FSTL4: variants seen among roughly 807,000 people sequenced by gnomAD.
FSTL4 encodes follistatin like 4.
In FSTL4, 28 loss-of-function variants were observed where a neutral mutation model predicts 78.2. That is an observed-to-expected ratio of 0.36 (90% CI 0.27 to 0.49). The LOEUF (loss-of-function observed/expected upper bound fraction) is 0.49. Among genes scored for constraint, FSTL4 ranks in the 20% least tolerant of loss-of-function variants. FSTL4 has a pLI of 0.98. For missense variants in FSTL4, 922 were observed against 1,084.9 expected, an observed-to-expected ratio of 0.85 and a Z score of 2.11; for synonymous variants, 422 against 440.5, an observed-to-expected ratio of 0.96 and a Z score of 0.53.
chr5:133,310,664 C>T (rs1753757834), intron 6 of FSTL4, among the ~76,000 whole-genome samples: 1 of 152,178 alleles, frequency 6.6e-6, no homozygotes, highest in Non-Finnish European at 1.5e-5. Flanking sequence ...AGTAATGATG[C>T]CTGGTATGCC....
intron 4 of FSTL4, among the ~76,000 whole-genome samples, chr5:133,327,299 C>T (rs1754236846): frequency 6.6e-6 from 1 of 152,216 alleles, no homozygotes; most frequent in Non-Finnish European, 1.5e-5. Context: ...AAATTTTCAG[C>T]TTCTAGAAGG....
At chr5:133,641,269 CA>C in the FSTL4 span, among the ~76,000 whole-genome samples, 201 of 150,962 alleles carry the variant, frequency 1.3e-3, 1 homozygote, top group Non-Finnish European at 2.5e-3. Context: ...CACACAAAAA[CA>C]AAAAAAAACA....
the FSTL4 span, among the ~76,000 whole-genome samples, chr5:133,727,718 A>G: frequency 1.3e-5 from 2 of 152,226 alleles, no homozygotes; most frequent in Non-Finnish European, 2.9e-5. Flanking sequence ...TCCACACTAG[A>G]GTAAAACAGA....
chr5:133,387,276 C>T (rs1463056797), intron 4 of FSTL4, among the ~76,000 whole-genome samples: 2 of 152,224 alleles, frequency 1.3e-5, no homozygotes, highest in East Asian at 3.8e-4. Flanking sequence ...CTGGTGCCGT[C>T]ATTTACAAGT....
the FSTL4 span, among the ~76,000 whole-genome samples, chr5:133,719,499 A>C: frequency 6.6e-6 from 1 of 151,916 alleles, no homozygotes; most frequent in Non-Finnish European, 1.5e-5. Context: ...GGGAAACCCC[A>C]TCTCTACTAA....
At chr5:133,644,236 C>T in the FSTL4 span, among the ~76,000 whole-genome samples, 1 of 152,084 alleles carries the variant, frequency 6.6e-6, no homozygotes, top group Non-Finnish European at 1.5e-5. Context: ...TGCAGCTGTG[C>T]TAAAAAAGAC....
At chr5:133,648,944 G>A in the FSTL4 span, among the ~76,000 whole-genome samples, 1 of 152,132 alleles carries the variant, frequency 6.6e-6, no homozygotes, top group Non-Finnish European at 1.5e-5. Context: ...TCAGACAAAT[G>A]TAAAATGACA....
intron 2 of FSTL4, among the ~76,000 whole-genome samples, chr5:133,568,557 G>C (rs993198387): frequency 1.3e-5 from 2 of 152,140 alleles, no homozygotes; most frequent in African/African-American, 4.8e-5. Flanking sequence ...GAGATCAGTG[G>C]AAGATCCATG....
intron 3 of FSTL4, among the ~76,000 whole-genome samples, chr5:133,418,702 A>G (rs1183888976): frequency 6.6e-6 from 1 of 152,250 alleles, no homozygotes; most frequent in African/African-American, 2.4e-5. Context: ...GAGGATGGAA[A>G]TAGCATTATA....
At chr5:133,797,121 G>A in the FSTL4 span, among the ~76,000 whole-genome samples, 12 of 152,204 alleles carry the variant, frequency 7.9e-5, no homozygotes, top group Non-Finnish European at 7.3e-5. Context: ...ATCCCCAGAG[G>A]TCCTGACAAA....
chr5:133,298,299 A>G (rs1390777197), intron 6 of FSTL4, among the ~76,000 whole-genome samples: 1 of 152,240 alleles, frequency 6.6e-6, no homozygotes, highest in Non-Finnish European at 1.5e-5. Flanking sequence ...ACACATGGTG[A>G]GCCCTGCAAT....
chr5:133,803,406 G>T, the FSTL4 span, among the ~76,000 whole-genome samples: 1 of 152,182 alleles, frequency 6.6e-6, no homozygotes, highest in Non-Finnish European at 1.5e-5. Flanking sequence ...GTTGGGCCCC[G>T]CCTCTATACT....
intron 3 of FSTL4, among the ~76,000 whole-genome samples, chr5:133,475,069 G>A (rs548622801): frequency 6.6e-6 from 1 of 152,350 alleles, no homozygotes; most frequent in Admixed American, 6.5e-5. Flanking sequence ...CTCGTGTGCA[G>A]CCCAGGCTGG....
chr5:133,363,246 C>T (rs1221258588), intron 4 of FSTL4, among the ~76,000 whole-genome samples: 2 of 152,136 alleles, frequency 1.3e-5, no homozygotes, highest in South Asian at 2.1e-4. Flanking sequence ...GGGGCAGCAG[C>T]GACAGGTACC....
At chr5:133,840,927 G>GTGCTGCAGGTTTGTGTT in the FSTL4 span, among the ~76,000 whole-genome samples, 2 of 152,264 alleles carry the variant, frequency 1.3e-5, no homozygotes, top group Non-Finnish European at 2.9e-5. Context: ...AGGTTTGTGT[G>GTGCTGCAGGTTTGTGTT]TGCTCCAGGT....
chr5:133,244,856 A>G (rs534231544), intron 7 of FSTL4: 2 of 152,564 alleles, frequency 1.3e-5, no homozygotes, highest in South Asian at 4.1e-4. Flanking sequence ...ACGGTGGCTC[A>G]CACCTGTAGT....
chr5:133,682,387 G>A, the FSTL4 span, among the ~76,000 whole-genome samples: 5 of 152,220 alleles, frequency 3.3e-5, no homozygotes, highest in African/African-American at 7.2e-5. Context: ...CTCCTCGAAC[G>A]CAGGGACTGC....
In FSTL4 at chr5:133,220,765, T is replaced by C; in HGVS notation, c.1441A>G (p.Lys481Glu). 6.3e-7 allele frequency: 1 copy of C among 1,595,356 alleles called. No homozygotes were observed. The highest frequency in any genetic ancestry group is 8.6e-7 in the Non-Finnish European group (1 of 1,162,810). Residue 481 changes from lysine (K) to glutamate (E), a missense_variant, in exon 12 of 16, where the codon AAG (lysine) becomes GAG (glutamate). Physicochemically the swap from Lys to Glu is moderately conservative, Grantham distance 56. Transcript: ENST00000265342. ...TTACTTACATAGCTCATGAAAATCT[T>C]TTCCGTGGGTTTGAGGTGCCTCTGG... The part of the protein sequence containing the change: ...EIQRHLKPTE[K>E]IFMSYEEICP...
At chr5:133,753,683 CTGTGTGTGTGTGTGTGTGTG>C in the FSTL4 span, among the ~76,000 whole-genome samples, 4 of 120,598 alleles carry the variant, frequency 3.3e-5, no homozygotes, top group South Asian at 3.1e-4. Flanking sequence ...CACATTTGTT[CTGTGTGTGTGTGTGTGTGTG>C]TGTGTGTGTG....
Sources: gnomAD v4.1 joint callset for allele counts (sites outside exome capture counted in the v4.1 genomes callset) on GRCh38, gnomAD v4.1.1 for gene constraint, MANE v1.5 for transcripts, NCBI Gene and HGNC (gene_info 2026-07-23, HGNC 2026-07-21) for gene names.